PCDHGA5: variants seen among roughly 807,000 people sequenced by gnomAD.
PCDHGA5 encodes protocadherin gamma-A5.
A neutral mutation model predicts 56.7 loss-of-function variants in PCDHGA5; 36 were observed. That is an observed-to-expected ratio of 0.64 (90% CI 0.49 to 0.84). The LOEUF (loss-of-function observed/expected upper bound fraction) is 0.84. Among genes scored for constraint, PCDHGA5 ranks in the 40% least tolerant of loss-of-function variants. The pLI, the probability that PCDHGA5 is intolerant of heterozygous loss-of-function variation, is 0.00. For missense variants in PCDHGA5, 1,305 were observed against 1,201.5 expected (o/e 1.09, Z -1.27); for synonymous variants, 563 against 520.2 (o/e 1.08, Z -1.12).
In PCDHGA5 at chr5:141,476,875, C is replaced by T; in HGVS notation, c.2422-17932C>T. On this transcript the variant is annotated intron_variant, in intron 1 of 3. Coordinates refer to ENST00000518069, the MANE Select transcript of PCDHGA5 (RefSeq NM_018918.3). The surrounding 1 kb of genome is among the most constrained non-coding windows in gnomAD (Gnocchi z 7.6). ...ACCAGTCCTTGTACCGGGCGCGCGT[C>T]CTGGAGGATGCACCCTCCGGCACGC... 2 of 1,613,928 alleles carry T rather than the reference C, an allele frequency of 1.2e-6. No homozygotes were observed. Among genetic ancestry groups the T allele is most frequent in the Non-Finnish European group, 1.7e-6 (2 of 1,180,044 alleles).
intron 1 of PCDHGA5, among the ~76,000 whole-genome samples, chr5:141,401,115 G>C (rs923480761): frequency 5.9e-5 from 9 of 151,974 alleles, no homozygotes; most frequent in African/African-American, 1.7e-4. Context: ...AGGCCGAGGC[G>C]GTTGGATCAC....
Position 141,489,753 on chromosome 5 carries a change from T to A in PCDHGA5, c.2422-5054T>A, listed in dbSNP as rs549652158. On this transcript the variant is annotated intron_variant, in intron 1 of 3. Transcript: ENST00000518069. The surrounding 1 kb of genome is among the most constrained non-coding windows in gnomAD (Gnocchi z 4.5). ...GCACCAATACTGTGAGCTTTTACAC[T>A]CTAAGCCCCAACAGCCACTTCTCTC... 6.2e-7 allele frequency: 1 copy of A among 1,614,070 alleles called. No homozygotes were observed. The highest frequency in any genetic ancestry group is 2.2e-5 in the East Asian group (1 of 44,866).
At chr5:141,484,750 GTA>G (rs545232987) in intron 1 of PCDHGA5, among the ~76,000 whole-genome samples, 18 of 149,824 alleles carry the variant, frequency 1.2e-4, no homozygotes, top group Admixed American at 4.7e-4. Flanking sequence ...GAAAAAAAAT[GTA>G]TATATATATA....
Position 141,420,141 on chromosome 5 carries a change from T to C in PCDHGA5, c.2421+53390T>C, listed in dbSNP as rs556066866. 9.9e-6 allele frequency: 16 copies of C among 1,614,040 alleles called. No homozygotes were observed. The East Asian group carries it at 3.3e-4, about 34-fold the overall frequency. On this transcript the variant is annotated intron_variant, in intron 1 of 3. Coordinates refer to ENST00000518069, the MANE Select transcript of PCDHGA5 (RefSeq NM_018918.3). ...AATTTTTGTGTGCCTGGGGATCAAA[T>C]GAATCCAGAATTTAATTTTTTCACA... is the stretch of plus-strand genomic sequence containing the variant.
intron 1 of PCDHGA5, chr5:141,371,688 C>A (rs1234825193): frequency 6.2e-7 from 1 of 1,614,070 alleles, no homozygotes. Flanking sequence ...CAATCCACCG[C>A]TCTCCTCCAG....
chr5:141,427,751 C>G (rs778043340), intron 1 of PCDHGA5: 6 of 1,306,076 alleles, frequency 4.6e-6, no homozygotes, highest in Non-Finnish European at 6.6e-6. Context: ...CCTACTCCAT[C>G]GTTACCACTG....
intron 1 of PCDHGA5, chr5:141,388,696 AGG>A (rs1404425662): frequency 1.2e-6 from 2 of 1,613,882 alleles, no homozygotes; most frequent in Non-Finnish European, 1.7e-6. Flanking sequence ...GACCAGGATG[AGG>A]GTGTCAATGC....
intron 1 of PCDHGA5, among the ~76,000 whole-genome samples, chr5:141,466,815 A>G (rs1019952491): frequency 1.3e-5 from 2 of 152,182 alleles, no homozygotes; most frequent in Non-Finnish European, 2.9e-5. Flanking sequence ...CAGACATGGT[A>G]TAACAAGTTA....
intron 1 of PCDHGA5, chr5:141,403,461 A>G (rs2094410364): frequency 6.2e-7 from 1 of 1,614,010 alleles, no homozygotes; most frequent in Non-Finnish European, 8.5e-7. Context: ...CTCCAGAGCT[A>G]CCAGCTCAGC....
At chr5:141,372,985 G>A (rs1018239187) in intron 1 of PCDHGA5, 2 of 639,950 alleles carry the variant, frequency 3.1e-6, no homozygotes, top group Non-Finnish European at 5.2e-6. Context: ...TATCTGTGTT[G>A]CAGTTGTTCT....
At chr5:141,422,127 A>G (rs779974245) in intron 1 of PCDHGA5, 1 of 1,600,944 alleles carries the variant, frequency 6.2e-7, no homozygotes. Context: ...CACAAACTGG[A>G]GAAGTTCAAG....
At chr5:141,451,535 A>G (rs150174911) in intron 1 of PCDHGA5, among the ~76,000 whole-genome samples, 2 of 152,328 alleles carry the variant, frequency 1.3e-5, no homozygotes, top group Non-Finnish European at 2.9e-5. Flanking sequence ...GGAGAGTGCC[A>G]GAGAGGGCAA....
At position 141,490,181 on chromosome 5, in the gene PCDHGA5, G is replaced by A. The variant is rs755899660; in HGVS notation, c.2422-4626G>A. ...GGTCCCATAGACTTTGAGGAGTCACGTTTCTATGAAATTCATGCAAGAGCC... is the reference window on the plus strand; with the variant it reads ...GGTCCCATAGACTTTGAGGAGTCACATTTCTATGAAATTCATGCAAGAGCC... On this transcript the variant is annotated intron_variant, in intron 1 of 3. Coordinates refer to ENST00000518069, the MANE Select transcript of PCDHGA5 (RefSeq NM_018918.3). This position sits in a 1 kb window ranked among gnomAD's most constrained non-coding sequence, Gnocchi z 5.4. The A allele has an allele frequency of 9.9e-6, 16 of 1,614,200 alleles. No homozygotes were observed. Among genetic ancestry groups the A allele is most frequent in the Middle Eastern group, 1.6e-4 (1 of 6,062 alleles).
In PCDHGA5 at chr5:141,509,418, A is replaced by G. The variant is rs767758113; in HGVS notation, c.2570-1529A>G. Among the ~76,000 whole-genome samples the G allele has an allele frequency of 2.6e-5, 4 of 152,188 alleles. No individual in the cohort carries two copies. The South Asian group carries it at 6.2e-4, about 24-fold the overall frequency. ...TCAGGGCCTCCAGCAGCGAGCCCCA[A>G]TGAGTCAAACTCTTGTTTCCTCCTC... On this transcript the variant is annotated intron_variant, in intron 3 of 3. Transcript: ENST00000518069.
At chr5:141,385,891 T>C (rs1366389515) in intron 1 of PCDHGA5, 2 of 152,892 alleles carry the variant, frequency 1.3e-5, no homozygotes, top group African/African-American at 4.8e-5. Flanking sequence ...AAGAATGAAA[T>C]GTGTGTGTAT....
intron 1 of PCDHGA5, among the ~76,000 whole-genome samples, chr5:141,455,749 C>A (rs2098830563): frequency 6.6e-6 from 1 of 152,086 alleles, no homozygotes; most frequent in Non-Finnish European, 1.5e-5. Context: ...AGGTTGCTGG[C>A]CTGGCTCCTA....
At chr5:141,404,221 T>C (rs1028021504) in intron 1 of PCDHGA5, 2 of 1,613,766 alleles carry the variant, frequency 1.2e-6, no homozygotes, top group Non-Finnish European at 1.7e-6. Context: ...TCACGGTGAC[T>C]GCAACAGACA....
chr5:141,486,474 C>G lies in PCDHGA5; in HGVS notation c.2422-8333C>G. ...ACTGCTTCTGATGCTGGGAACCCTC[C>G]TCTCAGTACCCACAGAACTATTTTC... On this transcript the variant is annotated intron_variant, in intron 1 of 3. Transcript: ENST00000518069. The surrounding 1 kb of genome is among the most constrained non-coding windows in gnomAD (Gnocchi z 5.0). The G allele has an allele frequency of 6.2e-7, 1 of 1,614,016 alleles. No individual in the cohort carries two copies. Among genetic ancestry groups the G allele is most frequent in the Non-Finnish European group, 8.5e-7 (1 of 1,179,822 alleles).
At position 141,431,248 on chromosome 5, in the gene PCDHGA5, G is replaced by T. The variant is rs1213088915; in HGVS notation, c.2422-63559G>T. ...CCCACGCCTGGGATCCGGATATCGG[G>T]AAGAACTCTCTGCAGAGCTACGAGC... On this transcript the variant is annotated intron_variant, in intron 1 of 3. Coordinates refer to ENST00000518069, the MANE Select transcript of PCDHGA5 (RefSeq NM_018918.3). The surrounding 1 kb of genome is among the most constrained non-coding windows in gnomAD (Gnocchi z 4.8). 6.2e-7 allele frequency: 1 copy of T among 1,614,022 alleles called. No individual in the cohort carries two copies. The highest frequency in any genetic ancestry group is 8.5e-7 in the Non-Finnish European group (1 of 1,180,056).
Sources: gnomAD v4.1 joint callset for allele counts (sites outside exome capture counted in the v4.1 genomes callset) on GRCh38, gnomAD v4.1.1 for gene constraint, Gnocchi (gnomAD v3.1) non-coding constraint, MANE v1.5 for transcripts, NCBI Gene and HGNC (gene_info 2026-07-23, HGNC 2026-07-21) for gene names.